The following SLC7A1 variants were observed in gnomAD, a reference collection of about 807,000 sequenced individuals.
The protein encoded by SLC7A1 is solute carrier family 7 member 1.
In SLC7A1, 10 loss-of-function variants were observed where a neutral mutation model predicts 53.9. That is an observed-to-expected ratio of 0.19 (90% CI 0.11 to 0.31). The LOEUF (loss-of-function observed/expected upper bound fraction) is 0.31, where lower values mean the gene tolerates loss of function less well. Ranked by LOEUF, SLC7A1 falls within the 10% of genes least tolerant of loss-of-function variation. SLC7A1 has a pLI of 1.00. For synonymous variants in SLC7A1, 342 were observed against 338.7 expected, an observed-to-expected ratio of 1.01 and a Z score of -0.11; for missense variants, 525 against 827.2, an observed-to-expected ratio of 0.63 and a Z score of 4.48.
At chr13:29,547,784 G>A (rs906797165) in intron 2 of SLC7A1, among the ~76,000 whole-genome samples, 2 of 152,186 alleles carry the variant, frequency 1.3e-5, no homozygotes, top group African/African-American at 4.8e-5. Flanking sequence ...GCGGGTACAC[G>A]GGGCTTCATT....
intron 5 of SLC7A1, 57 bp from the exon 6 acceptor site, chr13:29,524,310 G>C: frequency 6.2e-7 from 1 of 1,608,182 alleles, no homozygotes; most frequent in South Asian, 1.1e-5. Context: ...TCTGGCGTAA[G>C]GAGCTGTGCT....
chr13:29,591,542 C>T (rs1426598846), intron 1 of SLC7A1, among the ~76,000 whole-genome samples: 3 of 148,816 alleles, frequency 2.0e-5, no homozygotes, highest in Non-Finnish European at 3.0e-5. Context: ...GTGCAGGACA[C>T]GGCAGTGTGG....
chr13:29,544,381 G>A (rs1164861996), intron 2 of SLC7A1, among the ~76,000 whole-genome samples: 3 of 152,034 alleles, frequency 2.0e-5, no homozygotes, highest in Non-Finnish European at 4.4e-5. Flanking sequence ...GACATGTCAC[G>A]CTTTCAATGA....
intron 1 of SLC7A1, among the ~76,000 whole-genome samples, chr13:29,562,123 T>C (rs567911717): frequency 1.3e-5 from 2 of 152,340 alleles, no homozygotes; most frequent in African/African-American, 4.8e-5. Flanking sequence ...CATAGCATAT[T>C]CTCAGCCTGC....
At position 29,513,926 on chromosome 13, in the gene SLC7A1, GAGA is replaced by G. The variant is rs1221053754; in HGVS notation, c.*551_*553del. The G allele has an allele frequency of 6.5e-6, 1 of 153,142 alleles. No individual in the cohort carries two copies. The highest frequency in any genetic ancestry group is 2.4e-5 in the African/African-American group (1 of 41,466). 9.5% of individuals were successfully genotyped at this position (153,142 alleles called of 1,614,324 possible). A position where few individuals can be genotyped will look rare whatever the true frequency, so the allele number is the denominator to read the frequency against. Reference sequence around the variant, plus strand: ...CTAATGACCCATCTGAATGCAACCGGAGAAGGACAACAGGCCTGATTTTCCTTT... The same window carrying G: ...CTAATGACCCATCTGAATGCAACCGGAGGACAACAGGCCTGATTTTCCTTT... On this transcript the variant is annotated 3_prime_UTR_variant, in exon 13 of 13. Transcript: ENST00000380752.
At chr13:29,521,654 G>T (rs943171533) in intron 8 of SLC7A1, among the ~76,000 whole-genome samples, 1 of 152,210 alleles carries the variant, frequency 6.6e-6, no homozygotes, top group African/African-American at 2.4e-5. Context: ...CAGGTACAGT[G>T]TGCACACGAG....
chr13:29,563,550 A>G (rs1273107150), intron 1 of SLC7A1, among the ~76,000 whole-genome samples: 1 of 152,242 alleles, frequency 6.6e-6, no homozygotes, highest in Non-Finnish European at 1.5e-5. Context: ...ACAGCAGTAA[A>G]GGATGAAAAG....
intron 2 of SLC7A1, among the ~76,000 whole-genome samples, chr13:29,537,939 G>A (rs562127221): frequency 9.2e-5 from 14 of 152,264 alleles, no homozygotes; most frequent in East Asian, 3.9e-4. Flanking sequence ...CTCAGCTGCC[G>A]GGCGGGCGCA....
intron 1 of SLC7A1, among the ~76,000 whole-genome samples, chr13:29,569,229 G>A (rs908211290): frequency 8.5e-5 from 13 of 152,078 alleles, no homozygotes; most frequent in South Asian, 6.2e-4. Context: ...TGAGGCGAAG[G>A]AGGACCCTCT....
At chr13:29,536,437 C>T (rs1468288906) in intron 2 of SLC7A1, among the ~76,000 whole-genome samples, 2 of 152,212 alleles carry the variant, frequency 1.3e-5, no homozygotes, top group Admixed American at 1.3e-4. Context: ...GACTTCATTT[C>T]GAGGTCTCTG....
rs193026377 is a variant in SLC7A1 at position 29,583,922 on chromosome 13, A to C, written c.-115+11494T>G. The stretch of plus-strand genomic sequence containing the variant: ...GAAATGTCTTCCAACAAAAGTTAAA[A>C]AAACAAACAAACAAACAAAAAACCT... On this transcript the variant is annotated intron_variant, in intron 1 of 12. Transcript: ENST00000380752. Among the ~76,000 whole-genome samples the C allele has an allele frequency of 5.3e-5, 8 of 152,334 alleles. No individual in the cohort carries two copies. In the East Asian group the frequency reaches 5.8e-4, roughly 11 times the overall value.
rs184388167 is a variant in SLC7A1 at position 29,513,995 on chromosome 13, G to A, written c.*485C>T. 19 of 159,312 alleles carry A rather than the reference G, an allele frequency of 1.2e-4. No homozygotes were observed. Among genetic ancestry groups the A allele is most frequent in the Middle Eastern group, 3.0e-3 (1 of 332 alleles). The allele number at this position is 159,312 out of a possible 1,614,324, so 9.9% of individuals were successfully genotyped here. On this transcript the variant is annotated 3_prime_UTR_variant, in exon 13 of 13. Coordinates refer to ENST00000380752, the MANE Select transcript of SLC7A1 (RefSeq NM_003045.5). ...TCATTTGGCTCTGGGGTGGGGAGCTGCTGGGGACACACTGTTTTGTGGTAC... is the reference window on the plus strand; with the variant it reads ...TCATTTGGCTCTGGGGTGGGGAGCTACTGGGGACACACTGTTTTGTGGTAC...
At chr13:29,551,405 C>A (rs1265208859) in intron 2 of SLC7A1, among the ~76,000 whole-genome samples, 1 of 152,188 alleles carries the variant, frequency 6.6e-6, no homozygotes, top group Non-Finnish European at 1.5e-5. Context: ...TGGCACCTGG[C>A]CTGATTCTCT....
At chr13:29,552,801 T>C (rs1342435770) in intron 2 of SLC7A1, among the ~76,000 whole-genome samples, 2 of 152,210 alleles carry the variant, frequency 1.3e-5, no homozygotes, top group Admixed American at 6.5e-5. Flanking sequence ...GGCTCTCAGC[T>C]CTGAAGGCCG....
rs139069255 is a variant in SLC7A1 at position 29,577,857 on chromosome 13, G to A, written c.-115+17559C>T. On this transcript the variant is annotated intron_variant, in intron 1 of 12. Coordinates refer to ENST00000380752, the MANE Select transcript of SLC7A1 (RefSeq NM_003045.5). ...AAGATTTGTGATCACCCCAAGCACC[G>A]CTAGCCCCCGCGTGCTGGGCAACCA... is the stretch of plus-strand genomic sequence containing the variant. 2.1e-3 allele frequency among the ~76,000 whole-genome samples: 318 copies of A among 152,258 alleles called. 3 individuals are homozygous for A. Among genetic ancestry groups the A allele is most frequent in the African/African-American group, 7.3e-3 (302 of 41,548 alleles).
chr13:29,545,585 C>T (rs1869882187), intron 2 of SLC7A1, among the ~76,000 whole-genome samples: 1 of 152,180 alleles, frequency 6.6e-6, no homozygotes, highest in South Asian at 2.1e-4. Flanking sequence ...ATCAGCATCA[C>T]CCCATGAGTA....
At chr13:29,539,496 G>A (rs1869571819) in intron 2 of SLC7A1, among the ~76,000 whole-genome samples, 1 of 152,174 alleles carries the variant, frequency 6.6e-6, no homozygotes, top group Admixed American at 6.5e-5. Context: ...CAAAATGAAG[G>A]GGCAGGTTAT....
chr13:29,569,759 T>TATG (rs1871119485), intron 1 of SLC7A1, among the ~76,000 whole-genome samples: 1 of 152,188 alleles, frequency 6.6e-6, no homozygotes, highest in East Asian at 1.9e-4. Flanking sequence ...CTGTGCTAGG[T>TATG]CTTTCACATA....
rs1255764339 is a variant in SLC7A1 at position 29,512,017 on chromosome 13, G to A, written c.*2463C>T. The A allele has an allele frequency of 6.6e-6, 1 of 152,018 alleles. No homozygotes were observed. Among genetic ancestry groups the A allele is most frequent in the Non-Finnish European group, 1.5e-5 (1 of 68,010 alleles). The allele number at this position is 152,018 out of a possible 1,614,324, so 9.4% of individuals were successfully genotyped here. Reference sequence around the variant, plus strand: ...TTTTATTTCAGGGAAAGAAATGAGGGATATGATAAGAAAAAGTCTATTAAA... The same window carrying A: ...TTTTATTTCAGGGAAAGAAATGAGGAATATGATAAGAAAAAGTCTATTAAA... On this transcript the variant is annotated 3_prime_UTR_variant, in exon 13 of 13. Transcript: ENST00000380752.
Sources: gnomAD v4.1 joint callset for allele counts (sites outside exome capture counted in the v4.1 genomes callset) on GRCh38, gnomAD v4.1.1 for gene constraint, MANE v1.5 for transcripts, NCBI Gene and HGNC (gene_info 2026-07-23, HGNC 2026-07-21) for gene names.